The following DIP2C variants were observed in gnomAD, a reference collection of about 807,000 sequenced individuals.
The protein encoded by DIP2C is disco-interacting protein 2 homolog C.
In DIP2C, 33 loss-of-function variants were observed where a neutral mutation model predicts 192.4. The ratio of observed to expected loss-of-function variants is 0.17; its 90% CI spans 0.13 to 0.23. The LOEUF (loss-of-function observed/expected upper bound fraction) is 0.23. Ranked by LOEUF, DIP2C falls within the 10% of genes least tolerant of loss-of-function variation. The pLI is 1.00. For synonymous variants in DIP2C, 979 were observed against 864.1 expected (o/e 1.13, Z -2.33); for missense variants, 1,537 against 2,110.1 (o/e 0.73, Z 5.32).
chr10:575,900 C>T, intron 1 of DIP2C, among the ~76,000 whole-genome samples: 1 of 152,228 alleles, frequency 6.6e-6, no homozygotes, highest in Non-Finnish European at 1.5e-5. Context: ...GCCTCTCCTC[C>T]ATGGTAACAG....
chr10:292,576 G>A (rs1004785635), intron 32 of DIP2C, among the ~76,000 whole-genome samples: 5 of 152,210 alleles, frequency 3.3e-5, no homozygotes, highest in Admixed American at 6.5e-5. Flanking sequence ...TAGAAGCGAC[G>A]TCTCGGAAGG....
At chr10:399,515 G>A (rs1051446588) in intron 9 of DIP2C, among the ~76,000 whole-genome samples, 1 of 152,108 alleles carries the variant, frequency 6.6e-6, no homozygotes, top group African/African-American at 2.4e-5. Context: ...ATATCCTACT[G>A]TTTCTCACTA....
Position 570,448 on chromosome 10 carries a change from T to C in DIP2C, c.86-83918A>G, listed in dbSNP as rs376326800. Among the ~76,000 whole-genome samples the C allele has an allele frequency of 6.6e-5, 10 of 152,182 alleles. No homozygotes were observed. The South Asian group carries it at 2.1e-3, about 32-fold the overall frequency. On this transcript the variant is annotated intron_variant, in intron 1 of 36. Transcript: ENST00000280886. ...GTGGGAGACTGATCCTGGGTCTGCA[T>C]GAATTGCTACCATTCCTAAGACATG...
Position 499,797 on chromosome 10 carries a change from G to A in DIP2C, c.86-13267C>T, listed in dbSNP as rs76030062. Among the ~76,000 whole-genome samples, 33 of 152,336 alleles carry A rather than the reference G, an allele frequency of 2.2e-4. No homozygotes were observed. In the East Asian group the frequency reaches 6.0e-3, roughly 28 times the overall value. ...GGGATACAGAGCCAAACCGTATCATGGGCTTTACTAACACCATTTTAAAGG... is the reference window on the plus strand; with the variant it reads ...GGGATACAGAGCCAAACCGTATCATAGGCTTTACTAACACCATTTTAAAGG... On this transcript the variant is annotated intron_variant, in intron 1 of 36. Coordinates refer to ENST00000280886, the MANE Select transcript of DIP2C (RefSeq NM_014974.3).
chr10:326,118 C>T (rs188835264), intron 31 of DIP2C, among the ~76,000 whole-genome samples: 1 of 152,114 alleles, frequency 6.6e-6, no homozygotes, highest in East Asian at 1.9e-4. Flanking sequence ...GAGCGGGGGG[C>T]AGGGGGTTGA....
At position 472,507 on chromosome 10, in the gene DIP2C, G is replaced by A. The variant is rs752352624; in HGVS notation, c.200C>T (p.Thr67Ile). 1.7e-5 allele frequency: 27 copies of A among 1,614,228 alleles called. No individual in the cohort carries two copies. The Admixed American group carries it at 4.2e-4, about 25-fold the overall frequency. ...GTGGTAGCGAGAGGCGGAGGAAGGA[G>A]TGACAGGAGCCCGGCGTTCTTGCGG... is the stretch of plus-strand genomic sequence containing the variant. The part of the protein sequence containing the change: ...ALPQERRAPV[T>I]PSSASRYHRR... Residue 67 changes from threonine (T) to isoleucine (I), a missense_variant, in exon 3 of 37, where the codon ACT becomes ATT. Physicochemically the swap from Thr to Ile is moderately conservative, Grantham distance 89. Coordinates refer to ENST00000280886, the MANE Select transcript of DIP2C (RefSeq NM_014974.3).
rs546717044 is a variant in DIP2C at position 399,373 on chromosome 10, C to A, written c.1150-154G>T. Among the ~76,000 whole-genome samples the A allele has an allele frequency of 1.3e-3, 202 of 152,284 alleles. 1 individual carries two copies. The highest frequency in any genetic ancestry group is 4.5e-3 in the African/African-American group (187 of 41,550). The stretch of plus-strand genomic sequence containing the variant: ...CAGTAAGCTGTGTTTTAATAAGCAT[C>A]ACACACCCGGCCTTGAATTCATATA... On this transcript the variant is annotated intron_variant, in intron 9 of 36. Transcript: ENST00000280886.
At chr10:556,829 C>T (rs144556506) in intron 1 of DIP2C, among the ~76,000 whole-genome samples, 1 of 152,348 alleles carries the variant, frequency 6.6e-6, no homozygotes, top group East Asian at 1.9e-4. Context: ...CAGAGAGGAA[C>T]ATGCTGTGAG....
At chr10:296,453 G>C (rs963550208) in intron 32 of DIP2C, among the ~76,000 whole-genome samples, 1 of 152,130 alleles carries the variant, frequency 6.6e-6, no homozygotes, top group Non-Finnish European at 1.5e-5. Context: ...CTGTAAACTA[G>C]TTCAACCATT....
chr10:648,090 G>A (rs1013578653), intron 1 of DIP2C, among the ~76,000 whole-genome samples: 12 of 151,706 alleles, frequency 7.9e-5, no homozygotes, highest in African/African-American at 2.7e-4. Flanking sequence ...GGCGAGAACA[G>A]ATGGAAACAG....
At chr10:653,225 G>C (rs919844695) in intron 1 of DIP2C, among the ~76,000 whole-genome samples, 1 of 152,172 alleles carries the variant, frequency 6.6e-6, no homozygotes, top group South Asian at 2.1e-4. Context: ...AAGGTGGGCA[G>C]ATCACTTGAG....
intron 1 of DIP2C, among the ~76,000 whole-genome samples, chr10:493,682 T>C (rs943931309): frequency 6.6e-6 from 1 of 152,162 alleles, no homozygotes. Flanking sequence ...TTCTTTGGAT[T>C]GGGAGGGAAC....
intron 1 of DIP2C, among the ~76,000 whole-genome samples, chr10:619,500 C>T (rs1283280782): frequency 7.0e-6 from 1 of 142,194 alleles, no homozygotes; most frequent in African/African-American, 2.7e-5. Context: ...ATATCGGGAG[C>T]ACAGGCTTTA....
At chr10:674,082 CTAAG>C (rs371999500) in intron 1 of DIP2C, among the ~76,000 whole-genome samples, 19 of 152,184 alleles carry the variant, frequency 1.2e-4, no homozygotes, top group African/African-American at 4.3e-4. Context: ...GTACAAGTAA[CTAAG>C]TGAGAAAATC....
At chr10:303,651 G>C (rs921444085) in intron 32 of DIP2C, among the ~76,000 whole-genome samples, 2 of 151,686 alleles carry the variant, frequency 1.3e-5, no homozygotes, top group South Asian at 2.1e-4. Context: ...AGCCTCCCTA[G>C]TAGCTGGGAT....
chr10:325,682 G>C (rs1200023858), intron 31 of DIP2C, among the ~76,000 whole-genome samples: 1 of 152,240 alleles, frequency 6.6e-6, no homozygotes, highest in Non-Finnish European at 1.5e-5. Flanking sequence ...AATAGGCAGA[G>C]AAAACTTCAA....
In DIP2C at chr10:651,884, G is replaced by A. The variant is rs999974170; in HGVS notation, c.85+37610C>T. 8 of 195,662 alleles carry A rather than the reference G, an allele frequency of 4.1e-5. No homozygotes were observed. Among genetic ancestry groups the A allele is most frequent in the Middle Eastern group, 2.3e-3 (1 of 436 alleles). 12.1% of individuals were successfully genotyped at this position (195,662 alleles called of 1,614,324 possible). A position where few individuals can be genotyped will look rare whatever the true frequency, so the allele number is the denominator to read the frequency against. On this transcript the variant is annotated intron_variant, in intron 1 of 36. Coordinates refer to ENST00000280886, the MANE Select transcript of DIP2C (RefSeq NM_014974.3). This position sits in a 1 kb window ranked among gnomAD's most constrained non-coding sequence, Gnocchi z 4.1. ...ACCACCTGCTACTGCAAACGGCCTCGCTGTACTCAGGGAGTCGGTTCCAGG... is the reference window on the plus strand; with the variant it reads ...ACCACCTGCTACTGCAAACGGCCTCACTGTACTCAGGGAGTCGGTTCCAGG...
intron 1 of DIP2C, among the ~76,000 whole-genome samples, chr10:610,590 T>C (rs1274794707): frequency 3.9e-5 from 6 of 152,170 alleles, no homozygotes; most frequent in African/African-American, 1.4e-4. Flanking sequence ...AAAACAAAAA[T>C]AAACCAATGA....
intron 1 of DIP2C, among the ~76,000 whole-genome samples, chr10:606,908 G>A (rs888280190): frequency 5.3e-5 from 8 of 152,048 alleles, no homozygotes; most frequent in Admixed American, 2.0e-4. Flanking sequence ...GACTCAGGCT[G>A]GGGTCTGAAT....
Sources: gnomAD v4.1 joint callset for allele counts (sites outside exome capture counted in the v4.1 genomes callset) on GRCh38, gnomAD v4.1.1 for gene constraint, Gnocchi (gnomAD v3.1) non-coding constraint, MANE v1.5 for transcripts, NCBI Gene and HGNC (gene_info 2026-07-23, HGNC 2026-07-21) for gene names.